SPNS2: variants seen among roughly 807,000 people sequenced by gnomAD.
The protein encoded by SPNS2 is SPNS lysolipid transporter 2, sphingosine-1-phosphate.
In SPNS2, 37 loss-of-function variants were observed where a neutral mutation model predicts 57.6. That is an observed-to-expected ratio of 0.64 (90% CI 0.49 to 0.85). The LOEUF (loss-of-function observed/expected upper bound fraction) is 0.85, where lower values mean the gene tolerates loss of function less well. Among genes scored for constraint, SPNS2 ranks in the 40% least tolerant of loss-of-function variants. SPNS2 has a pLI of 0.00. For missense variants in SPNS2, 831 were observed against 779.1 expected, an observed-to-expected ratio of 1.07 and a Z score of -0.79; for synonymous variants, 440 against 346.9, an observed-to-expected ratio of 1.27 and a Z score of -2.98.
chr17:4,530,952 G>A, intron 4 of SPNS2, 101 bp from the exon 5 acceptor site: 1 of 1,505,798 alleles, frequency 6.6e-7, no homozygotes. Flanking sequence ...TGGCCAGCTG[G>A]CTGGGTGGGG....
chr17:4,500,127 G>A (rs1160016836), intron 1 of SPNS2, among the ~76,000 whole-genome samples: 1 of 152,210 alleles, frequency 6.6e-6, no homozygotes, highest in Non-Finnish European at 1.5e-5. Flanking sequence ...TAGGGCGCAG[G>A]CCTCTGGAGC....
intron 1 of SPNS2, among the ~76,000 whole-genome samples, chr17:4,508,654 A>G (rs1486127244): frequency 6.6e-6 from 1 of 152,178 alleles, no homozygotes; most frequent in Non-Finnish European, 1.5e-5. Context: ...CTGGGCGGCA[A>G]TGGGGCTGCT....
intron 11 of SPNS2, chr17:4,536,651 TG>T: frequency 1.5e-6 from 1 of 670,886 alleles, no homozygotes; most frequent in South Asian, 1.9e-5. Flanking sequence ...GGTTTGTCTC[TG>T]GACTTAGTGG....
At chr17:4,525,022 C>T (rs1474626861) in intron 2 of SPNS2, 35 bp from the exon 3 acceptor site, 3 of 1,606,752 alleles carry the variant, frequency 1.9e-6, no homozygotes, top group Non-Finnish European at 8.5e-7. Context: ...GGCGCAGGGA[C>T]CTGGGCCCCC....
In SPNS2 at chr17:4,501,696, A is replaced by G. The variant is rs894136423; in HGVS notation, c.370+2279A>G. The stretch of plus-strand genomic sequence containing the variant: ...GTTTTTAGGAATATTTATTATCTCT[A>G]TGGTAACTACTATGGCTTGATGTGC... On this transcript the variant is annotated intron_variant, in intron 1 of 12. Transcript: ENST00000329078. Among the ~76,000 whole-genome samples the G allele has an allele frequency of 9.2e-5, 14 of 152,110 alleles. 1 individual carries two copies. Among genetic ancestry groups the G allele is most frequent in the Non-Finnish European group, 2.1e-4 (14 of 68,034 alleles).
In SPNS2 at chr17:4,512,339, C is replaced by T. The variant is rs1904850222; in HGVS notation, c.371-908C>T. On this transcript the variant is annotated intron_variant, in intron 1 of 12. Coordinates refer to ENST00000329078, the MANE Select transcript of SPNS2 (RefSeq NM_001124758.3). This position sits in a 1 kb window ranked among gnomAD's most constrained non-coding sequence, Gnocchi z 5.2. ...ATGGGGGTTGTGCTTACTCAGGAGC[C>T]CTGGCTGAGTGCTGCGAGGGGTAGG... Among the ~76,000 whole-genome samples, 1 of 152,064 alleles carries T rather than the reference C, an allele frequency of 6.6e-6. No individual in the cohort carries two copies. The highest frequency in any genetic ancestry group is 1.5e-5 in the Non-Finnish European group (1 of 68,012).
intron 12 of SPNS2, 95 bp downstream of exon 12, chr17:4,537,041 C>CTA: frequency 7.4e-7 from 1 of 1,351,728 alleles, no homozygotes. Context: ...GAGTCACCTC[C>CTA]TACCCCAGCA....
In SPNS2 at chr17:4,533,190, G is replaced by C. The variant is rs1036041932; in HGVS notation, c.1089-53G>C. On this transcript the variant is annotated intron_variant, in intron 7 of 12. Transcript: ENST00000329078. ...GGACCTCGGACAGGAGAGCCCCTCA[G>C]CCTTAGCCCTGAGCCGCCTCAACTC... 3.2e-6 allele frequency: 5 copies of C among 1,581,586 alleles called. No individual in the cohort carries two copies. The Admixed American group carries it at 5.2e-5, about 17-fold the overall frequency.
intron 2 of SPNS2, among the ~76,000 whole-genome samples, chr17:4,517,177 G>A (rs1377316083): frequency 6.6e-6 from 1 of 152,132 alleles, no homozygotes; most frequent in Non-Finnish European, 1.5e-5. Flanking sequence ...CCCACCTGGC[G>A]CTGGCTAGTT....
chr17:4,534,665 G>A (rs373000666), intron 9 of SPNS2, among the ~76,000 whole-genome samples: 2 of 152,252 alleles, frequency 1.3e-5, no homozygotes, highest in East Asian at 1.9e-4. Flanking sequence ...GAGCCTCCGG[G>A]CGTATCCGCT....
intron 1 of SPNS2, among the ~76,000 whole-genome samples, chr17:4,505,809 G>T (rs1024503925): frequency 1.3e-5 from 2 of 152,106 alleles, no homozygotes; most frequent in African/African-American, 4.8e-5. Context: ...TGGGGACAGG[G>T]TCCTGTCCTC....
At chr17:4,534,592 G>C (rs146418487) in intron 9 of SPNS2, among the ~76,000 whole-genome samples, 5 of 151,996 alleles carry the variant, frequency 3.3e-5, no homozygotes. Flanking sequence ...GGGACAGCCC[G>C]GGAGATGAGT....
intron 3 of SPNS2, among the ~76,000 whole-genome samples, chr17:4,529,144 C>G (rs572633510): frequency 6.6e-6 from 1 of 151,910 alleles, no homozygotes; most frequent in Non-Finnish European, 1.5e-5. Flanking sequence ...CCATCTTGGC[C>G]AGGCTGGTCT....
At position 4,533,401 on chromosome 17, in the gene SPNS2, T is replaced by C; in HGVS notation, c.1247T>C (p.Val416Ala). 1.2e-6 allele frequency: 2 copies of C among 1,608,858 alleles called. No individual in the cohort carries two copies. Among genetic ancestry groups the C allele is most frequent in the Non-Finnish European group, 1.7e-6 (2 of 1,178,048 alleles). The change falls in exon 8 of 13, where the codon GTG (valine) becomes GCG (alanine). Residue 416 changes from valine (V) to alanine (A), a missense_variant. Coordinates refer to ENST00000329078, the MANE Select transcript of SPNS2 (RefSeq NM_001124758.3). Reference sequence around the variant, plus strand: ...GCCATCTTCATCTGCCTGATCTTCGTGGCTGCCAAGAGCAGCATCGTAGGA... The same window carrying C: ...GCCATCTTCATCTGCCTGATCTTCGCGGCTGCCAAGAGCAGCATCGTAGGA... ...GSAIFICLIFVAAKSSIVGAY... is the reference protein window; with the variant it reads ...GSAIFICLIFAAAKSSIVGAY...
At chr17:4,536,858 C>T (rs765788426) in intron 11 of SPNS2, 42 bp from the exon 12 acceptor site, 3 of 1,583,152 alleles carry the variant, frequency 1.9e-6, no homozygotes, top group South Asian at 1.1e-5. Flanking sequence ...GGCCCGGCCC[C>T]CGCTGATGCA....
In SPNS2 at chr17:4,499,542, C is replaced by A; in HGVS notation, c.370+125C>A. The A allele has an allele frequency of 1.8e-6, 1 of 546,520 alleles. No homozygotes were observed. Among genetic ancestry groups the A allele is most frequent in the Non-Finnish European group, 2.9e-6 (1 of 344,908 alleles). The allele number at this position is 546,520 out of a possible 1,614,324, so 33.9% of individuals were successfully genotyped here. ...CTATCTCCAGGCCCTACGTGAGGTC[C>A]CTACGGACCCTCTGCTCAGGCACAA... On this transcript the variant is annotated intron_variant, in intron 1 of 12. Transcript: ENST00000329078. This position sits in a 1 kb window ranked among gnomAD's most constrained non-coding sequence, Gnocchi z 5.2.
At chr17:4,501,403 G>C (rs1354169834) in intron 1 of SPNS2, among the ~76,000 whole-genome samples, 1 of 152,156 alleles carries the variant, frequency 6.6e-6, no homozygotes, top group African/African-American at 2.4e-5. Context: ...GTCAGCATGG[G>C]GGAATGAGAT....
Position 4,536,082 on chromosome 17 carries a change from G to C in SPNS2, c.1351G>C (p.Val451Leu). Residue 451 changes from valine (V) to leucine (L), a missense_variant, in exon 10 of 13, where the codon GTC becomes CTC. Val to Leu is a conservative substitution (Grantham distance 32). Around this residue, in one of 2 missense-constraint regions of SPNS2, gnomAD observed 526 missense variants for 400.9 expected, o/e 1.31. Coordinates refer to ENST00000329078, the MANE Select transcript of SPNS2 (RefSeq NM_001124758.3). ...AITADILMYV[V>L]IPTRRATAVA... Reference sequence around the variant, plus strand: ...CTGCCCGCCTGTTCCGCAGTACGTGGTCATCCCCACGCGGCGCGCCACTGC... The same window carrying C: ...CTGCCCGCCTGTTCCGCAGTACGTGCTCATCCCCACGCGGCGCGCCACTGC... The C allele has an allele frequency of 1.2e-6, 2 of 1,611,426 alleles. No homozygotes were observed. Among genetic ancestry groups the C allele is most frequent in the Non-Finnish European group, 1.7e-6 (2 of 1,179,638 alleles).
In SPNS2 at chr17:4,511,920, A is replaced by G. The variant is rs548008288; in HGVS notation, c.371-1327A>G. On this transcript the variant is annotated intron_variant, in intron 1 of 12. Transcript: ENST00000329078. This position sits in a 1 kb window ranked among gnomAD's most constrained non-coding sequence, Gnocchi z 4.6. ...CCAGCTGCCAGCAGGATCCTCATACAGCACCTGGAGATTCCACTTTTTCCT... is the reference window on the plus strand; with the variant it reads ...CCAGCTGCCAGCAGGATCCTCATACGGCACCTGGAGATTCCACTTTTTCCT... Among the ~76,000 whole-genome samples, 2 of 152,266 alleles carry G rather than the reference A, an allele frequency of 1.3e-5. No individual in the cohort carries two copies. The highest frequency in any genetic ancestry group is 4.8e-5 in the African/African-American group (2 of 41,546).
Sources: allele counts gnomAD v4.1 joint callset (sites outside exome capture counted in the v4.1 genomes callset), GRCh38; gene constraint gnomAD v4.1.1; regional missense constraint gnomAD v4.1.1; non-coding constraint Gnocchi (gnomAD v3.1); transcripts MANE v1.5; gene names NCBI Gene and HGNC (gene_info 2026-07-23, HGNC 2026-07-21).